USH2A: variants seen among roughly 807,000 people sequenced by gnomAD.
USH2A encodes the protein usherin.
USH2A carries 443 observed loss-of-function variants against 538.9 expected under a neutral mutation model. The ratio of observed to expected loss-of-function variants is 0.82; its 90% CI spans 0.76 to 0.89. The LOEUF (loss-of-function observed/expected upper bound fraction) is 0.89, where lower values mean the gene tolerates loss of function less well. USH2A is among the 40% of genes least tolerant of loss of function. USH2A has a pLI of 0.00. For synonymous variants in USH2A, 2,413 were observed against 2,273.5 expected (o/e 1.06, Z -1.75); for missense variants, 6,633 against 6,324.8 (o/e 1.05, Z -1.65).
Position 215,639,163 on chromosome 1 carries a change from G to A in USH2A, c.15044C>T (p.Thr5015Ile), listed in dbSNP as rs1029854359. Residue 5015 changes from threonine to isoleucine, a missense_variant, in exon 69 of 72, where the codon ACT becomes ATT. Transcript: ENST00000307340. ...KTPLIQYDTSTGLGLVLTTPG... is the reference protein window; with the variant it reads ...KTPLIQYDTSIGLGLVLTTPG... ...TAATATGAGTTGTTTACCAAGTCCA[G>A]TAGAGGTATCATATTGGATCAACGG... is the stretch of plus-strand genomic sequence containing the variant. The A allele has an allele frequency of 4.0e-5, 64 of 1,614,080 alleles. No individual in the cohort carries two copies. The highest frequency in any genetic ancestry group is 5.3e-5 in the Non-Finnish European group (62 of 1,179,958).
At position 215,779,915 on chromosome 1, in the gene USH2A, A is replaced by C; in HGVS notation, c.10867T>G (p.Tyr3623Asp). The change falls in exon 55 of 72, where the codon TAC (tyrosine) becomes GAC (aspartate). Residue 3623 changes from tyrosine (Y) to aspartate (D), a missense_variant. Physicochemically the swap from Tyr to Asp is radical, Grantham distance 160. Coordinates refer to ENST00000307340, the MANE Select transcript of USH2A (RefSeq NM_206933.4). ...PEKSNGVIKE[Y>D]QIRQVGKGLI... ...CCTTTCCCAACCTGCCTGATCTGGT[A>C]CTCTTTAATGACGCCGTTTGATTTC... is the stretch of plus-strand genomic sequence containing the variant. 7.4e-6 allele frequency: 12 copies of C among 1,613,858 alleles called. No homozygotes were observed. Among genetic ancestry groups the C allele is most frequent in the Non-Finnish European group, 1.0e-5 (12 of 1,179,982 alleles).
intron 21 of USH2A, among the ~76,000 whole-genome samples, chr1:216,159,098 T>C (rs765493562): frequency 2.8e-4 from 42 of 152,188 alleles, no homozygotes; most frequent in Non-Finnish European, 5.4e-4. Context: ...GAATAGTTTA[T>C]ATATTATTTT....
chr1:215,629,376 C>A (rs930684792), intron 70 of USH2A, among the ~76,000 whole-genome samples: 1 of 152,148 alleles, frequency 6.6e-6, no homozygotes, highest in African/African-American at 2.4e-5. Context: ...TGGGGCAAGG[C>A]AGACGGATGA....
Position 216,198,337 on chromosome 1 carries a change from G to C in USH2A, c.4059C>G (p.Val1353=). 2 of 1,613,944 alleles carry C rather than the reference G, an allele frequency of 1.2e-6. No individual in the cohort carries two copies. Among genetic ancestry groups the C allele is most frequent in the South Asian group, 1.1e-5 (1 of 91,074 alleles). The change falls in exon 18 of 72, where the codon GTC becomes GTG. Residue 1353 remains valine (V), a synonymous_variant. Coordinates refer to ENST00000307340, the MANE Select transcript of USH2A (RefSeq NM_206933.4). ...TACCTGATTCTCCCGTTCTTTCTGA[G>C]ACCCAGGCAGAAGACACACTTCCAG... ...NMAGSVSSAW[V]SERTGESAPV...
chr1:216,063,445 T>C (rs1209625680), intron 30 of USH2A, among the ~76,000 whole-genome samples: 2 of 152,210 alleles, frequency 1.3e-5, no homozygotes, highest in Non-Finnish European at 2.9e-5. Flanking sequence ...GAGTTCTTCT[T>C]AGTCTTTAAG....
intron 26 of USH2A, 78 bp from the exon 27 acceptor site, chr1:216,078,440 A>G (rs985374773): frequency 8.0e-5 from 113 of 1,413,556 alleles, no homozygotes; most frequent in Non-Finnish European, 1.0e-4. Context: ...CAGAAAGTCA[A>G]TTTCTTGAAG....
intron 23 of USH2A, 148 bp downstream of exon 23, chr1:216,088,865 G>C (rs2032213233): frequency 4.1e-6 from 5 of 1,208,770 alleles, no homozygotes; most frequent in Non-Finnish European, 3.5e-6. Flanking sequence ...ATCCTTTTAG[G>C]AGCATCCCAA....
At chr1:216,416,523 T>C (rs2039578981) in intron 3 of USH2A, among the ~76,000 whole-genome samples, 1 of 152,128 alleles carries the variant, frequency 6.6e-6, no homozygotes, top group African/African-American at 2.4e-5. Context: ...AGTTATGAAA[T>C]AAAGCAGTCT....
intron 67 of USH2A, among the ~76,000 whole-genome samples, chr1:215,645,324 A>T (rs746066926): frequency 1.3e-4 from 20 of 152,202 alleles, no homozygotes; most frequent in East Asian, 7.8e-4. Flanking sequence ...GAGCTCAGTG[A>T]CCATGAGTTC....
At position 216,383,764 on chromosome 1, in the gene USH2A, T is replaced by A. The variant is rs141065457; in HGVS notation, c.652-18679A>T. 3.0e-4 allele frequency among the ~76,000 whole-genome samples: 46 copies of A among 152,202 alleles called. 1 individual carries two copies. In the South Asian group the frequency reaches 9.3e-3, roughly 31 times the overall value. ...ACGACCATGGCTCACAGCCTTGACCTCCCAGGCTCAGAAGATCTTCCCATC... is the reference window on the plus strand; with the variant it reads ...ACGACCATGGCTCACAGCCTTGACCACCCAGGCTCAGAAGATCTTCCCATC... On this transcript the variant is annotated intron_variant, in intron 3 of 71. Coordinates refer to ENST00000307340, the MANE Select transcript of USH2A (RefSeq NM_206933.4).
intron 3 of USH2A, among the ~76,000 whole-genome samples, chr1:216,388,412 G>A (rs1328964438): frequency 1.3e-5 from 2 of 152,092 alleles, no homozygotes; most frequent in African/African-American, 4.8e-5. Context: ...TTCAGTTGTT[G>A]CTGCTAGTAA....
chr1:215,665,094 G>T (rs748846762), intron 64 of USH2A, among the ~76,000 whole-genome samples: 1 of 152,170 alleles, frequency 6.6e-6, no homozygotes, highest in Non-Finnish European at 1.5e-5. Context: ...GGGGGCTGGT[G>T]CAGGGAAGGC....
rs570128026 is a variant in USH2A at position 216,035,389 on chromosome 1, A to G, written c.6325+11042T>C. Among the ~76,000 whole-genome samples, 53 of 152,296 alleles carry G rather than the reference A, an allele frequency of 3.5e-4. 1 individual carries two copies. The highest frequency in any genetic ancestry group is 1.0e-3 in the South Asian group (5 of 4,830). Reference sequence around the variant, plus strand: ...TTGGGATGATTCATATACAATCAAGAAATGCCAAATATCGCCAGCAAACAA... The same window carrying G: ...TTGGGATGATTCATATACAATCAAGGAATGCCAAATATCGCCAGCAAACAA... On this transcript the variant is annotated intron_variant, in intron 32 of 71. Coordinates refer to ENST00000307340, the MANE Select transcript of USH2A (RefSeq NM_206933.4).
intron 49 of USH2A, among the ~76,000 whole-genome samples, chr1:215,799,609 TG>T (rs1212022373): frequency 4.6e-5 from 7 of 152,212 alleles, no homozygotes; most frequent in Non-Finnish European, 1.0e-4. Flanking sequence ...TAAGTCAGTG[TG>T]CTAGTACTTC....
At chr1:216,372,448 T>C (rs1423125140) in intron 3 of USH2A, among the ~76,000 whole-genome samples, 5 of 152,170 alleles carry the variant, frequency 3.3e-5, no homozygotes, top group African/African-American at 1.2e-4. Context: ...GTGCCCTGGG[T>C]ATGATTCTCT....
intron 41 of USH2A, among the ~76,000 whole-genome samples, chr1:215,881,424 G>A (rs1044156755): frequency 2.6e-5 from 4 of 152,172 alleles, no homozygotes; most frequent in South Asian, 2.1e-4. Flanking sequence ...ACGGGCATGA[G>A]CCACCACGCC....
chr1:215,650,843 C>A (rs1476609427), intron 64 of USH2A, 42 bp from the exon 65 acceptor site: 42 of 1,475,190 alleles, frequency 2.8e-5, no homozygotes, highest in Non-Finnish European at 3.8e-5. Context: ...GCAAGATACC[C>A]TAAGGCTGGG....
Position 216,346,032 on chromosome 1 carries a change from C to CT in USH2A, c.785-18379dup, listed in dbSNP as rs549870135. On this transcript the variant is annotated intron_variant, in intron 4 of 71. Coordinates refer to ENST00000307340, the MANE Select transcript of USH2A (RefSeq NM_206933.4). Reference sequence around the variant, plus strand: ...CCCAGGTTCAGGGTTCAATTCCCAGCTTAGGGAATGAGTCCTTTCTGGTTT... The same window carrying CT: ...CCCAGGTTCAGGGTTCAATTCCCAGCTTTAGGGAATGAGTCCTTTCTGGTTT... Among the ~76,000 whole-genome samples the CT allele has an allele frequency of 1.6e-4, 25 of 152,190 alleles. No individual in the cohort carries two copies. The South Asian group carries it at 5.0e-3, about 30-fold the overall frequency.
chr1:215,753,832 A>G (rs963084919), intron 58 of USH2A, among the ~76,000 whole-genome samples: 1 of 152,190 alleles, frequency 6.6e-6, no homozygotes, highest in Non-Finnish European at 1.5e-5. Context: ...AAATTAAAAA[A>G]AAATATTCTC....
Sources: gnomAD v4.1 joint callset for allele counts (sites outside exome capture counted in the v4.1 genomes callset) on GRCh38, gnomAD v4.1.1 for gene constraint, MANE v1.5 for transcripts, NCBI Gene and HGNC (gene_info 2026-07-23, HGNC 2026-07-21) for gene names.